The following FAM83F variants were observed in gnomAD, a reference collection of about 807,000 sequenced individuals.
The protein encoded by FAM83F is scaffolding CK1 anchoring protein F.
FAM83F carries 45 observed loss-of-function variants against 42.9 expected under a neutral mutation model. The observed-to-expected ratio is 1.05, with a 90% CI of 0.83 to 1.35. The LOEUF (loss-of-function observed/expected upper bound fraction) is 1.35. Among genes scored for constraint, FAM83F ranks in the 40% most tolerant of loss-of-function variants. The pLI is 0.00. For synonymous variants in FAM83F, 306 were observed against 298.3 expected (o/e 1.03, Z -0.27); for missense variants, 617 against 695.9 (o/e 0.89, Z 1.28).
chr22:39,996,721 A>C (rs767430229), intron 1 of FAM83F, among the ~76,000 whole-genome samples: 1 of 152,200 alleles, frequency 6.6e-6, no homozygotes, highest in South Asian at 2.1e-4. Context: ...GGGGTGATTT[A>C]GGTAGTTGGG....
intron 4 of FAM83F, among the ~76,000 whole-genome samples, chr22:40,027,782 C>T (rs752692871): frequency 6.6e-6 from 1 of 152,232 alleles, no homozygotes; most frequent in Admixed American, 6.5e-5. Context: ...GGGCCCTGCC[C>T]CTGCCTTGCC....
intron 4 of FAM83F, among the ~76,000 whole-genome samples, chr22:40,024,571 C>A (rs114089288): frequency 6.6e-6 from 1 of 152,208 alleles, no homozygotes; most frequent in Non-Finnish European, 1.5e-5. Context: ...GCTCTCAATT[C>A]GGGACACATT....
intron 4 of FAM83F, among the ~76,000 whole-genome samples, chr22:40,025,507 G>A (rs1383010141): frequency 6.6e-6 from 1 of 152,168 alleles, no homozygotes; most frequent in African/African-American, 2.4e-5. Context: ...GAGGTCAGGA[G>A]TTCGAGACCA....
In FAM83F at chr22:40,017,190, G is replaced by A. The variant is rs376945693; in HGVS notation, c.490-1978G>A. On this transcript the variant is annotated intron_variant, in intron 1 of 4. Coordinates refer to ENST00000333407, the MANE Select transcript of FAM83F (RefSeq NM_138435.4). ...CACCCCCGTGACGGAGGCTGATTGA[G>A]CGTACCTGGTGGCAGGTGCTGCTCT... Among the ~76,000 whole-genome samples, 303 of 151,856 alleles carry A rather than the reference G, an allele frequency of 2.0e-3. 1 individual carries two copies. The highest frequency in any genetic ancestry group is 7.0e-3 in the African/African-American group (291 of 41,390).
chr22:40,001,193 T>A (rs918427207), intron 1 of FAM83F, among the ~76,000 whole-genome samples: 2 of 152,176 alleles, frequency 1.3e-5, no homozygotes, highest in Admixed American at 6.6e-5. Flanking sequence ...CAGCTTCATG[T>A]CAAAAACAGA....
At chr22:40,029,065 G>A (rs868311485) in intron 4 of FAM83F, among the ~76,000 whole-genome samples, 9 of 150,948 alleles carry the variant, frequency 6.0e-5, no homozygotes, top group Admixed American at 4.6e-4. Context: ...GGTAGTGAGC[G>A]GCCTCTTGGC....
At chr22:40,010,632 A>G (rs1023970337) in intron 1 of FAM83F, among the ~76,000 whole-genome samples, 1 of 152,228 alleles carries the variant, frequency 6.6e-6, no homozygotes, top group Non-Finnish European at 1.5e-5. Flanking sequence ...AGCAAAAGTA[A>G]GCTTGTGAAC....
chr22:40,021,343 G>C lies in FAM83F; in HGVS notation c.833G>C (p.Gly278Ala), dbSNP rs889750609. The part of the protein sequence containing the change: ...VDRNLLLLLT[G>A]QNVEPFDTEF... The stretch of plus-strand genomic sequence containing the variant: ...AGAAACCTCCTCCTGCTCCTGACAG[G>C]ACAGAACGTAGAGCCCTTTGACACG... The change falls in exon 4 of 5, where the codon GGA becomes GCA. Residue 278 changes from glycine (G) to alanine (A), a missense_variant. Physicochemically the swap from Gly to Ala is moderately conservative, Grantham distance 60 (BLOSUM62 0). Coordinates refer to ENST00000333407, the MANE Select transcript of FAM83F (RefSeq NM_138435.4). The surrounding 1 kb of genome is among the most constrained non-coding windows in gnomAD (Gnocchi z 8.7). 3.1e-6 allele frequency: 5 copies of C among 1,598,276 alleles called. No individual in the cohort carries two copies. Among genetic ancestry groups the C allele is most frequent in the Non-Finnish European group, 1.7e-6 (2 of 1,169,156 alleles).
rs2067654991 is a variant in FAM83F at position 40,042,309 on chromosome 22, G to A, written c.*12744G>A. On this transcript the variant is annotated 3_prime_UTR_variant, in exon 5 of 5. Transcript: ENST00000333407. The stretch of plus-strand genomic sequence containing the variant: ...TGAGGTGGAGTGGACAAATTGCTGA[G>A]GCCTTTATGGACAAAGATTCTAAGA... 6.6e-6 allele frequency: 1 copy of A among 152,218 alleles called. No homozygotes were observed. The highest frequency in any genetic ancestry group is 1.5e-5 in the Non-Finnish European group (1 of 68,036). The allele number at this position is 152,218 out of a possible 1,614,324, so 9.4% of individuals were successfully genotyped here.
At chr22:40,009,355 C>T (rs902117055) in intron 1 of FAM83F, among the ~76,000 whole-genome samples, 10 of 152,126 alleles carry the variant, frequency 6.6e-5, no homozygotes, top group African/African-American at 2.2e-4. Context: ...CAACAGCAGC[C>T]GCACCCGCCC....
chr22:40,021,401 G>A lies in FAM83F; in HGVS notation c.891G>A (p.Glu297=), dbSNP rs2067520036. Reference sequence around the variant, plus strand: ...GGGAGCTGTACGCCATCTCCGAGGAGGTGGACTTGTACCGGCAGCTGAGCC... The same window carrying A: ...GGGAGCTGTACGCCATCTCCGAGGAAGTGGACTTGTACCGGCAGCTGAGCC... ...EFRELYAISE[E]VDLYRQLSLA... The change falls in exon 4 of 5, where the codon GAG becomes GAA. Residue 297 remains glutamate, a synonymous_variant. Coordinates refer to ENST00000333407, the MANE Select transcript of FAM83F (RefSeq NM_138435.4). This position sits in a 1 kb window ranked among gnomAD's most constrained non-coding sequence, Gnocchi z 8.7. The A allele has an allele frequency of 1.9e-6, 3 of 1,613,748 alleles. No homozygotes were observed. The highest frequency in any genetic ancestry group is 2.7e-5 in the African/African-American group (2 of 75,064).
chr22:40,007,290 TCCTCCTCCTCTTGTCC>T (rs1344473501), intron 1 of FAM83F, among the ~76,000 whole-genome samples: 1 of 25,002 alleles, frequency 4.0e-5, no homozygotes, highest in Non-Finnish European at 8.6e-5. Context: ...TTTCCTCCTC[TCCTCCTCCTCTTGTCC>T]TCTCCTCTCC....
In FAM83F at chr22:40,036,730, G is replaced by T. The variant is rs1206986207; in HGVS notation, c.*7165G>T. 1 of 152,252 alleles carries T rather than the reference G, an allele frequency of 6.6e-6. No homozygotes were observed. Among genetic ancestry groups the T allele is most frequent in the Non-Finnish European group, 1.5e-5 (1 of 68,112 alleles). 9.4% of individuals were successfully genotyped at this position (152,252 alleles called of 1,614,324 possible). A position where few individuals can be genotyped will look rare whatever the true frequency, so the allele number is the denominator to read the frequency against. On this transcript the variant is annotated 3_prime_UTR_variant, in exon 5 of 5. Transcript: ENST00000333407. ...GGTGGGACGGGGTCTAGGGGCCACA[G>T]TCCTGGTCCTGCGCAGGTGGCCCTG...
In FAM83F at chr22:40,033,531, T is replaced by C. The variant is rs1191150759; in HGVS notation, c.*3966T>C. The C allele has an allele frequency of 6.6e-6, 1 of 152,350 alleles. No homozygotes were observed. The highest frequency in any genetic ancestry group is 1.5e-5 in the Non-Finnish European group (1 of 68,138). 9.4% of individuals were successfully genotyped at this position (152,350 alleles called of 1,614,324 possible). A position where few individuals can be genotyped will look rare whatever the true frequency, so the allele number is the denominator to read the frequency against. On this transcript the variant is annotated 3_prime_UTR_variant, in exon 5 of 5. Transcript: ENST00000333407. ...TGCTTTGGAGCTGCAGAATCCTCTG[T>C]TGGGGATGGGGCTGCCCTGTGCATT...
intron 1 of FAM83F, among the ~76,000 whole-genome samples, chr22:40,006,544 C>G (rs9623106): frequency 0.011 from 1,668 of 152,316 alleles, 26 homozygotes; most frequent in African/African-American, 0.038. Flanking sequence ...ACAAGGACCT[C>G]AACAAAGAGC....
intron 4 of FAM83F, among the ~76,000 whole-genome samples, chr22:40,027,150 G>A (rs944249343): frequency 8.5e-5 from 13 of 152,104 alleles, no homozygotes; most frequent in Non-Finnish European, 1.9e-4. Context: ...TCTATAAAGG[G>A]TGCCAGGGAA....
At position 40,021,257 on chromosome 22, in the gene FAM83F, A is replaced by G. The variant is rs761387924; in HGVS notation, c.780-33A>G. The G allele has an allele frequency of 1.1e-5, 16 of 1,517,640 alleles. No homozygotes were observed. The highest frequency in any genetic ancestry group is 2.0e-5 in the Admixed American group (1 of 48,856). The allele number at this position is 1,517,640 out of a possible 1,614,324, so 94.0% of individuals were successfully genotyped here. A position where few individuals can be genotyped will look rare whatever the true frequency, so the allele number is the denominator to read the frequency against. On this transcript the variant is annotated intron_variant, in intron 3 of 4. Coordinates refer to ENST00000333407, the MANE Select transcript of FAM83F (RefSeq NM_138435.4). The surrounding 1 kb of genome is among the most constrained non-coding windows in gnomAD (Gnocchi z 8.7). ...CAGGGCAAGAGAGAGGCCTGGGCAC[A>G]TGTGTCTTGCTTTTCTGTCCCCACG...
In FAM83F at chr22:40,021,462, G is replaced by A; in HGVS notation, c.952G>A (p.Val318Met). The A allele has an allele frequency of 3.1e-6, 5 of 1,608,428 alleles. No individual in the cohort carries two copies. The highest frequency in any genetic ancestry group is 4.3e-6 in the Non-Finnish European group (5 of 1,176,166). ...GRVGLHYSST[V>M]ARKLINPKYA... ...GGTTGGCCTCCATTACTCCTCCACT[G>A]TGGCTCGAAAGCTTATCAACCCCAA... Residue 318 changes from valine (V) to methionine (M), a missense_variant, in exon 4 of 5, where the codon GTG (valine) becomes ATG (methionine). Coordinates refer to ENST00000333407, the MANE Select transcript of FAM83F (RefSeq NM_138435.4). The surrounding 1 kb of genome is among the most constrained non-coding windows in gnomAD (Gnocchi z 8.7).
At chr22:40,017,079 A>C (rs930775239) in intron 1 of FAM83F, among the ~76,000 whole-genome samples, 5 of 152,102 alleles carry the variant, frequency 3.3e-5, no homozygotes, top group African/African-American at 1.2e-4. Flanking sequence ...AAGAGCTATG[A>C]AGAACTTTAA....
Sources: allele counts gnomAD v4.1 joint callset (sites outside exome capture counted in the v4.1 genomes callset), GRCh38; gene constraint gnomAD v4.1.1; non-coding constraint Gnocchi (gnomAD v3.1); transcripts MANE v1.5; gene names NCBI Gene and HGNC (gene_info 2026-07-23, HGNC 2026-07-21).